The following KIF4A variants were observed in gnomAD, a reference collection of about 807,000 sequenced individuals.
KIF4A encodes chromosome-associated kinesin KIF4A.
A neutral mutation model predicts 105.9 loss-of-function variants in KIF4A; 7 were observed. The ratio of observed to expected loss-of-function variants is 0.07; its 90% CI spans 0.04 to 0.12. The LOEUF is 0.12. Ranked by LOEUF, KIF4A falls within the 10% of genes least tolerant of loss-of-function variation. The probability of loss-of-function intolerance (pLI) is 1.00; values close to 1 mark genes in which losing one functional copy is unlikely to be tolerated. For missense variants in KIF4A, 558 were observed against 929.2 expected, an observed-to-expected ratio of 0.60 and a Z score of 5.19; for synonymous variants, 281 against 331.3, an observed-to-expected ratio of 0.85 and a Z score of 1.65.
chrX:70,335,194 C>T (rs750059377), intron 10 of KIF4A, among the ~76,000 whole-genome samples: 10 of 112,192 alleles, frequency 8.9e-5, no homozygotes, highest in African/African-American at 3.2e-4. Flanking sequence ...ATACATGCAA[C>T]AGAATATCAT....
intron 28 of KIF4A, among the ~76,000 whole-genome samples, chrX:70,409,367 GGCA>G (rs2086312437): frequency 9.0e-6 from 1 of 111,666 alleles, no homozygotes; most frequent in African/African-American, 3.3e-5. Context: ...GAGAAAATGG[GGCA>G]GAGCGTGTCT....
chrX:70,346,912 CTA>C (rs2085995095), intron 13 of KIF4A, among the ~76,000 whole-genome samples: 3 of 112,046 alleles, frequency 2.7e-5, no homozygotes, highest in South Asian at 7.5e-4. Flanking sequence ...TGGATTAAAA[CTA>C]TTTTTATTTT....
intron 7 of KIF4A, among the ~76,000 whole-genome samples, chrX:70,323,873 G>C (rs1406706107): frequency 9.5e-6 from 1 of 105,055 alleles, no homozygotes; most frequent in East Asian, 2.9e-4. Flanking sequence ...TTGCTTTGTC[G>C]CCCAGGCTGG....
intron 7 of KIF4A, among the ~76,000 whole-genome samples, chrX:70,313,963 A>G (rs2085859791): frequency 8.9e-6 from 1 of 112,380 alleles, no homozygotes; most frequent in African/African-American, 3.2e-5. Flanking sequence ...ATTTAATGCA[A>G]TTCTTAGTAA....
chrX:70,290,163 G>A lies in KIF4A; in HGVS notation c.-22+13G>A. The A allele has an allele frequency of 8.3e-6, 2 of 240,453 alleles. No homozygotes were observed. Among genetic ancestry groups the A allele is most frequent in the Non-Finnish European group, 1.5e-5 (2 of 134,979 alleles). The allele number at this position is 240,453 out of a possible 1,213,427, so 19.8% of individuals were successfully genotyped here. A position where few individuals can be genotyped will look rare whatever the true frequency, so the allele number is the denominator to read the frequency against. ...GACATTTAGTTTGGTGAGTTACGGG[G>A]GCACACCTTAGCTCAGAACCTGTTT... is the stretch of plus-strand genomic sequence containing the variant. On this transcript the variant is annotated intron_variant, in intron 1 of 30. Coordinates refer to ENST00000374403, the MANE Select transcript of KIF4A (RefSeq NM_012310.5).
At chrX:70,387,414 C>T in intron 20 of KIF4A, 117 bp downstream of exon 20, 1 of 499,949 alleles carries the variant, frequency 2.0e-6, no homozygotes, top group Non-Finnish European at 3.3e-6. Flanking sequence ...TAAAGTTCTA[C>T]TTGAAAGCCT....
chrX:70,377,626 C>A (rs762365477), intron 18 of KIF4A, among the ~76,000 whole-genome samples: 1 of 112,413 alleles, frequency 8.9e-6, no homozygotes, highest in East Asian at 2.8e-4. Flanking sequence ...ACCTTTTATG[C>A]CTCAATAAAT....
intron 7 of KIF4A, among the ~76,000 whole-genome samples, chrX:70,315,531 A>G (rs1030169805): frequency 8.9e-6 from 1 of 111,835 alleles, no homozygotes; most frequent in Non-Finnish European, 1.9e-5. Context: ...AGTGTTCTGC[A>G]TGTTCTTTTT....
At chrX:70,364,068 A>C (rs1269508070) in intron 15 of KIF4A, among the ~76,000 whole-genome samples, 5 of 111,710 alleles carry the variant, frequency 4.5e-5, no homozygotes, top group Non-Finnish European at 7.5e-5. Context: ...ATATCCTTTG[A>C]CCACTTGTTG....
intron 18 of KIF4A, among the ~76,000 whole-genome samples, chrX:70,377,600 A>G (rs951769834): frequency 2.7e-5 from 3 of 112,443 alleles, no homozygotes; most frequent in Non-Finnish European, 5.6e-5. Context: ...ATTCTCCAGG[A>G]TAGACCATAT....
At chrX:70,331,649 A>AG (rs201763728) in intron 9 of KIF4A, among the ~76,000 whole-genome samples, 1 of 109,860 alleles carries the variant, frequency 9.1e-6, no homozygotes, top group Non-Finnish European at 1.9e-5. Context: ...TAAAAAAAAA[A>AG]CCACAGTATC....
At chrX:70,387,035 G>A (rs1263182948) in intron 19 of KIF4A, 149 bp from the exon 20 acceptor site, 1 of 456,297 alleles carries the variant, frequency 2.2e-6, no homozygotes, top group African/African-American at 2.5e-5. Flanking sequence ...AGCAGTAGCT[G>A]TTCACCAGTG....
chrX:70,417,991 G>T lies in KIF4A; in HGVS notation c.3359G>T (p.Arg1120Leu), dbSNP rs149300695. 2.5e-6 allele frequency: 3 copies of T among 1,206,986 alleles called. No homozygotes were observed. The highest frequency in any genetic ancestry group is 3.4e-6 in the Non-Finnish European group (3 of 892,731). Reference protein sequence around the residue: ...CCCDPTKCRNRQQGKDSLGTV... With the variant: ...CCCDPTKCRNLQQGKDSLGTV... ...TGTGACCCCACAAAGTGTCGGAACC[G>T]CCAGCAAGGCAAGGTAGGATCAGGG... The change falls in exon 29 of 31, where the codon CGC (arginine) becomes CTC (leucine). Residue 1120 changes from arginine (R) to leucine (L), a missense_variant. Arg to Leu is a moderately radical substitution (Grantham distance 102). This residue lies in a region of KIF4A where 469 missense variants were observed against 680.4 expected (regional missense o/e 0.69). Coordinates refer to ENST00000374403, the MANE Select transcript of KIF4A (RefSeq NM_012310.5).
rs1205517644 is a variant in KIF4A, at chrX:70,404,771, G to A, written c.2847G>A (p.Glu949=). The A allele has an allele frequency of 8.3e-7, 1 of 1,209,016 alleles. No individual in the cohort carries two copies. Among genetic ancestry groups the A allele is most frequent in the Non-Finnish European group, 1.1e-6 (1 of 894,006 alleles). ...QQSQMAEKQL[E]ESVSEKEQQL... is the part of the protein sequence containing the mutation. ...GCCAAATGGCAGAGAAGCAGTTAGAGGAATCAGTCAGTGAAAAGGAACAGC... is the reference window on the plus strand; with the variant it reads ...GCCAAATGGCAGAGAAGCAGTTAGAAGAATCAGTCAGTGAAAAGGAACAGC... Residue 949 remains glutamate (E), a synonymous_variant, in exon 25 of 31, where the codon GAG becomes GAA. Transcript: ENST00000374403.
intron 7 of KIF4A, among the ~76,000 whole-genome samples, chrX:70,314,444 G>A (rs1173951830): frequency 8.9e-6 from 1 of 112,053 alleles, no homozygotes; most frequent in African/African-American, 3.2e-5. Flanking sequence ...TACATCAAGT[G>A]GCAGATGCCA....
At chrX:70,322,977 A>G (rs1164816380) in intron 7 of KIF4A, among the ~76,000 whole-genome samples, 1 of 110,074 alleles carries the variant, frequency 9.1e-6, no homozygotes, top group Non-Finnish European at 1.9e-5. Flanking sequence ...AGAGCTCCTC[A>G]GTTTGCACCA....
chrX:70,306,699 C>T (rs759117284), intron 7 of KIF4A, among the ~76,000 whole-genome samples: 7 of 110,992 alleles, frequency 6.3e-5, no homozygotes, highest in Non-Finnish European at 1.3e-4. Flanking sequence ...TGCCAGCACA[C>T]CTGGCTGATT....
At chrX:70,383,168 TA>T (rs1366787057) in intron 18 of KIF4A, among the ~76,000 whole-genome samples, 8 of 95,446 alleles carry the variant, frequency 8.4e-5, no homozygotes, top group Non-Finnish European at 1.4e-4. Context: ...GCCTGGGCAA[TA>T]GAGTGAGACT....
rs138179910 is a variant in KIF4A at position 70,311,481 on chromosome X, G to C, written c.778+9083G>C. ...TTTCAAGCATATACAGAAGAGGTCA[G>C]GATGGTATAATGAATGCCTCCCCCA... is the stretch of plus-strand genomic sequence containing the variant. On this transcript the variant is annotated intron_variant, in intron 7 of 30. Transcript: ENST00000374403. Among the ~76,000 whole-genome samples the C allele has an allele frequency of 3.1e-3, 350 of 111,824 alleles. 1 individual carries two copies. The highest frequency in any genetic ancestry group is 0.011 in the African/African-American group (341 of 30,781).
Sources: gnomAD v4.1 joint callset for allele counts (sites outside exome capture counted in the v4.1 genomes callset) on GRCh38, gnomAD v4.1.1 for gene constraint, gnomAD v4.1.1 regional missense constraint, MANE v1.5 for transcripts, NCBI Gene and HGNC (gene_info 2026-07-23, HGNC 2026-07-21) for gene names.